The following CLXN variants were observed in gnomAD, a reference collection of about 807,000 sequenced individuals.
CLXN encodes the protein EF-hand calcium binding domain 1.
chr8:48,715,042 A>T, the CLXN span: 2 of 152,244 alleles, frequency 1.3e-5, no homozygotes, highest in Non-Finnish European at 2.9e-5. Context: ...GTACACCAAG[A>T]CAAAAGTGCA....
chr8:48,735,013 A>G, the CLXN span: 4 of 1,518,928 alleles, frequency 2.6e-6, no homozygotes, highest in Non-Finnish European at 2.7e-6. Flanking sequence ...GGAAGCAGGC[A>G]CAACAGCGGA....
the CLXN span, among the ~76,000 whole-genome samples, chr8:48,720,590 T>C: frequency 6.6e-6 from 1 of 152,324 alleles, no homozygotes; most frequent in South Asian, 2.1e-4. Flanking sequence ...TTGTTTAAGA[T>C]GTTTATCAAG....
chr8:48,717,654 T>A, the CLXN span, among the ~76,000 whole-genome samples: 1 of 152,216 alleles, frequency 6.6e-6, no homozygotes, highest in African/African-American at 2.4e-5. Context: ...CACTGTAGTA[T>A]GTAAATTACT....
At chr8:48,731,375 T>C in the CLXN span, 3 of 1,612,824 alleles carry the variant, frequency 1.9e-6, no homozygotes, top group Non-Finnish European at 2.5e-6. Context: ...TCATCTGTCA[T>C]TCCAAATGTC....
At chr8:48,721,381 C>T in the CLXN span, among the ~76,000 whole-genome samples, 3 of 145,310 alleles carry the variant, frequency 2.1e-5, no homozygotes, top group Admixed American at 6.6e-5. Context: ...GTTCATACTA[C>T]CCAAAGTGAT....
chr8:48,727,513 G>A, the CLXN span, among the ~76,000 whole-genome samples: 1 of 152,150 alleles, frequency 6.6e-6, no homozygotes, highest in African/African-American at 2.4e-5. Context: ...GAGAAAATGA[G>A]GCCCAGGAGG....
chr8:48,731,477 T>C, the CLXN span: 6 of 1,611,382 alleles, frequency 3.7e-6, no homozygotes, highest in African/African-American at 2.7e-5. Flanking sequence ...AAAAGCTTTA[T>C]AAGACAGTTC....
At chr8:48,717,401 A>T in the CLXN span, among the ~76,000 whole-genome samples, 81 of 152,152 alleles carry the variant, frequency 5.3e-4, no homozygotes, top group Non-Finnish European at 7.6e-4. Flanking sequence ...GAAAGAAAAT[A>T]AAAAAAACCC....
At chr8:48,719,290 CAAAG>C in the CLXN span, among the ~76,000 whole-genome samples, 2 of 152,060 alleles carry the variant, frequency 1.3e-5, no homozygotes, top group Admixed American at 1.3e-4. Context: ...AAGTTCCTAA[CAAAG>C]AAAGGTCCAG....
At chr8:48,713,258 A>G in the CLXN span, among the ~76,000 whole-genome samples, 6 of 152,188 alleles carry the variant, frequency 3.9e-5, no homozygotes, top group African/African-American at 1.4e-4. Context: ...CTAAATTGTA[A>G]TTAATGTATA....
the CLXN span, chr8:48,731,470 A>T: frequency 1.2e-6 from 2 of 1,613,340 alleles, no homozygotes; most frequent in Non-Finnish European, 1.7e-6. Flanking sequence ...GTCATAAAAA[A>T]GCTTTATAAG....
chr8:48,725,406 A>C, the CLXN span, among the ~76,000 whole-genome samples: 2 of 152,254 alleles, frequency 1.3e-5, no homozygotes, highest in African/African-American at 4.8e-5. Context: ...TATAAGAAAC[A>C]GAAGTAATAA....
chr8:48,720,227 G>T, the CLXN span, among the ~76,000 whole-genome samples: 314 of 152,258 alleles, frequency 2.1e-3, 1 homozygote, highest in African/African-American at 7.2e-3. Context: ...GAATAACAGC[G>T]ATTTTTAGGG....
At chr8:48,725,122 T>C in the CLXN span, among the ~76,000 whole-genome samples, 6 of 151,992 alleles carry the variant, frequency 3.9e-5, no homozygotes, top group African/African-American at 1.5e-4. Context: ...CATGGTAGAC[T>C]ATGGGAGTCC....
the CLXN span, chr8:48,730,028 A>G: frequency 7.4e-6 from 4 of 542,206 alleles, no homozygotes; most frequent in Non-Finnish European, 1.2e-5. Flanking sequence ...ACTAGGATAT[A>G]TACAATAATC....
chr8:48,719,511 A>C, the CLXN span, among the ~76,000 whole-genome samples: 78 of 152,296 alleles, frequency 5.1e-4, no homozygotes, highest in Non-Finnish European at 7.2e-4. Context: ...TGGAACAAAA[A>C]TTTTCAATAG....
At chr8:48,711,569 C>T in the CLXN span, 4 of 152,334 alleles carry the variant, frequency 2.6e-5, no homozygotes, top group South Asian at 8.3e-4. Context: ...AAAGCAAATC[C>T]CAAGGTATGT....
At chr8:48,729,255 T>C in the CLXN span, 1 of 897,196 alleles carries the variant, frequency 1.1e-6, no homozygotes. Flanking sequence ...CTGGGGATGG[T>C]GGCTCAGGCC....
At chr8:48,724,730 A>G in the CLXN span, 1 of 1,600,996 alleles carries the variant, frequency 6.2e-7, no homozygotes, top group Admixed American at 1.7e-5. Flanking sequence ...GACAATATAG[A>G]CATTTAGTTA....
Sources: gnomAD v4.1 joint callset for allele counts (sites outside exome capture counted in the v4.1 genomes callset) on GRCh38, gnomAD v4.1.1 for gene constraint, MANE v1.5 for transcripts, NCBI Gene and HGNC (gene_info 2026-07-23, HGNC 2026-07-21) for gene names.